The following NKAIN3 variants were observed in gnomAD, a reference collection of about 807,000 sequenced individuals.
NKAIN3 encodes sodium/potassium transporting ATPase interacting 3, also known as sodium/potassium-transporting ATPase subunit beta-1-interacting protein 3.
In NKAIN3, 25 loss-of-function variants were observed where a neutral mutation model predicts 30.2. The ratio of observed to expected loss-of-function variants is 0.83; its 90% CI spans 0.60 to 1.16. NKAIN3 has a LOEUF of 1.16. NKAIN3 is among the 50% of genes most tolerant of loss of function. NKAIN3 has a pLI of 0.00. For missense variants in NKAIN3, 225 were observed against 254.1 expected (o/e 0.89, Z 0.78); for synonymous variants, 91 against 89.6 (o/e 1.02, Z -0.09).
intron 1 of NKAIN3, among the ~76,000 whole-genome samples, chr8:62,490,696 T>C (rs1307055133): frequency 6.6e-6 from 1 of 152,124 alleles, no homozygotes; most frequent in Non-Finnish European, 1.5e-5. Context: ...GATTCATGGG[T>C]ACCAAATGAT....
intron 1 of NKAIN3, among the ~76,000 whole-genome samples, chr8:62,561,473 A>G (rs894052997): frequency 2.6e-5 from 4 of 152,154 alleles, no homozygotes; most frequent in African/African-American, 9.6e-5. Context: ...AGTTGTCTGT[A>G]TACCACTTTA....
intron 1 of NKAIN3, among the ~76,000 whole-genome samples, chr8:62,251,547 AACTTT>A (rs1335362712): frequency 2.0e-5 from 3 of 152,208 alleles, no homozygotes; most frequent in South Asian, 2.1e-4. Flanking sequence ...AAAATATTCG[AACTTT>A]ACTTCATCAA....
intron 3 of NKAIN3, among the ~76,000 whole-genome samples, chr8:62,713,797 G>T (rs1814804429): frequency 6.6e-6 from 1 of 152,064 alleles, no homozygotes; most frequent in Non-Finnish European, 1.5e-5. Flanking sequence ...TAATGCAAAT[G>T]GAGTTTTAGT....
chr8:62,634,113 A>G (rs973552956), intron 3 of NKAIN3, among the ~76,000 whole-genome samples: 15 of 152,218 alleles, frequency 9.9e-5, no homozygotes, highest in African/African-American at 3.4e-4. Flanking sequence ...TTGAATAAAC[A>G]TAGAAATTGA....
chr8:62,624,641 T>TC (rs1478475142), intron 3 of NKAIN3, among the ~76,000 whole-genome samples: 2 of 151,962 alleles, frequency 1.3e-5, no homozygotes, highest in African/African-American at 4.8e-5. Context: ...TGGTTTAGTG[T>TC]CTTACATTAG....
chr8:62,292,331 C>T (rs529749197), intron 1 of NKAIN3, among the ~76,000 whole-genome samples: 3 of 152,218 alleles, frequency 2.0e-5, no homozygotes, highest in African/African-American at 7.2e-5. Flanking sequence ...TTCCTAGCCT[C>T]GATGGTCTTT....
chr8:62,885,395 C>A (rs1821113900), intron 4 of NKAIN3, among the ~76,000 whole-genome samples: 1 of 152,112 alleles, frequency 6.6e-6, no homozygotes, highest in African/African-American at 2.4e-5. Flanking sequence ...TGTTTTATGG[C>A]CCAGAATTTG....
chr8:62,298,921 T>C (rs1409111928), intron 1 of NKAIN3, among the ~76,000 whole-genome samples: 1 of 150,978 alleles, frequency 6.6e-6, no homozygotes, highest in Non-Finnish European at 1.5e-5. Flanking sequence ...TAATTATGAG[T>C]GTGCTTTATG....
intron 3 of NKAIN3, among the ~76,000 whole-genome samples, chr8:62,715,650 T>G (rs1814873008): frequency 6.6e-6 from 1 of 152,240 alleles, no homozygotes; most frequent in Non-Finnish European, 1.5e-5. Context: ...CTGTAAGTGC[T>G]ACAGATACAT....
chr8:62,479,089 G>A (rs530814596), intron 1 of NKAIN3, among the ~76,000 whole-genome samples: 105 of 152,242 alleles, frequency 6.9e-4, no homozygotes, highest in African/African-American at 2.4e-3. Context: ...CTAGCCTCAT[G>A]AGGCCATAAA....
chr8:62,377,467 G>A (rs1406218530), intron 1 of NKAIN3, among the ~76,000 whole-genome samples: 1 of 152,154 alleles, frequency 6.6e-6, no homozygotes, highest in African/African-American at 2.4e-5. Context: ...TATATGAATA[G>A]CATTAATGCA....
rs1168098765 is a variant in NKAIN3, at chr8:62,969,285, T to C, written c.*3878T>C. Among the ~76,000 whole-genome samples, 1 of 152,222 alleles carries C rather than the reference T, an allele frequency of 6.6e-6. No individual in the cohort carries two copies. Among genetic ancestry groups the C allele is most frequent in the Non-Finnish European group, 1.5e-5 (1 of 68,036 alleles). ...CAAGGCTGTCATCTGTCTCACTTAATGAATGGGAAACTCCTGATTGAGAAG... is the reference window on the plus strand; with the variant it reads ...CAAGGCTGTCATCTGTCTCACTTAACGAATGGGAAACTCCTGATTGAGAAG... On this transcript the variant is annotated 3_prime_UTR_variant, in exon 7 of 7. Coordinates refer to ENST00000623646, the MANE Select transcript of NKAIN3 (RefSeq NM_001304533.3).
intron 1 of NKAIN3, among the ~76,000 whole-genome samples, chr8:62,400,786 A>G (rs185532123): frequency 1.3e-5 from 2 of 151,484 alleles, no homozygotes; most frequent in African/African-American, 4.8e-5. Context: ...CCGCTGCCAC[A>G]TGTATTGGAG....
rs144943834 is a variant in NKAIN3 at position 62,371,132 on chromosome 8, T to G, written c.54+122005T>G. 5.1e-3 allele frequency among the ~76,000 whole-genome samples: 782 copies of G among 152,010 alleles called. 5 individuals are homozygous for G. The highest frequency in any genetic ancestry group is 0.018 in the African/African-American group (729 of 41,524). On this transcript the variant is annotated intron_variant, in intron 1 of 6. Transcript: ENST00000623646. The stretch of plus-strand genomic sequence containing the variant: ...TCCTCAAAGTCTGTGAAAATTATGC[T>G]CCTGTTTTCTGTTTAATACCCCTGC...
chr8:62,344,706 C>T (rs1418410821), intron 1 of NKAIN3: 5 of 241,234 alleles, frequency 2.1e-5, no homozygotes, highest in Non-Finnish European at 4.2e-5. Context: ...ATCCTGCAAC[C>T]CAGTTGCCTA....
In NKAIN3 at chr8:62,965,568, T is replaced by C. The variant is rs142531852; in HGVS notation, c.*161T>C. On this transcript the variant is annotated 3_prime_UTR_variant, in exon 7 of 7. Transcript: ENST00000623646. ...GTTCTCTAGATGAGTTCTAGGTGCTTGGGTGGGTATTTTTTTAGTCGTTTT... is the reference window on the plus strand; with the variant it reads ...GTTCTCTAGATGAGTTCTAGGTGCTCGGGTGGGTATTTTTTTAGTCGTTTT... 9.2e-5 allele frequency: 90 copies of C among 983,292 alleles called. 1 individual carries two copies. The African/African-American group carries it at 1.5e-3, about 16-fold the overall frequency. 60.9% of individuals were successfully genotyped at this position (983,292 alleles called of 1,614,324 possible).
chr8:62,937,638 A>G (rs1215669493), intron 5 of NKAIN3, among the ~76,000 whole-genome samples: 4 of 152,082 alleles, frequency 2.6e-5, no homozygotes, highest in Non-Finnish European at 5.9e-5. Flanking sequence ...GAAACTCCCT[A>G]CTAAACTTTG....
chr8:62,872,679 G>A (rs965789624), intron 4 of NKAIN3, among the ~76,000 whole-genome samples: 1 of 152,150 alleles, frequency 6.6e-6, no homozygotes, highest in African/African-American at 2.4e-5. Context: ...TTTCTCAGAG[G>A]GTAAGGAGTG....
At position 62,676,288 on chromosome 8, in the gene NKAIN3, G is replaced by A. The variant is rs140176107; in HGVS notation, c.274-70644G>A. Among the ~76,000 whole-genome samples, 549 of 152,340 alleles carry A rather than the reference G, an allele frequency of 3.6e-3. 4 individuals are homozygous for A. Among genetic ancestry groups the A allele is most frequent in the African/African-American group, 0.013 (525 of 41,584 alleles). On this transcript the variant is annotated intron_variant, in intron 3 of 6. Transcript: ENST00000623646. Reference sequence around the variant, plus strand: ...GACAGATATTGAAAGTATACTATCGGCCAGGTGCAGTGGCTCATGCCTGTA... The same window carrying A: ...GACAGATATTGAAAGTATACTATCGACCAGGTGCAGTGGCTCATGCCTGTA...
Sources: gnomAD v4.1 joint callset for allele counts (sites outside exome capture counted in the v4.1 genomes callset) on GRCh38, gnomAD v4.1.1 for gene constraint, MANE v1.5 for transcripts, NCBI Gene and HGNC (gene_info 2026-07-23, HGNC 2026-07-21) for gene names.